The following SLC25A33 variants were observed in gnomAD, a reference collection of about 807,000 sequenced individuals.
The protein encoded by SLC25A33 is solute carrier family 25 member 33.
In SLC25A33, 15 loss-of-function variants were observed where a neutral mutation model predicts 35.5. The ratio of observed to expected loss-of-function variants is 0.42; its 90% CI spans 0.28 to 0.65. The LOEUF is 0.65. Among genes scored for constraint, SLC25A33 ranks in the 30% least tolerant of loss-of-function variants. SLC25A33 has a pLI of 0.20. For synonymous variants in SLC25A33, 136 were observed against 148.7 expected (o/e 0.91, Z 0.62); for missense variants, 257 against 398.5 (o/e 0.64, Z 3.02).
chr1:9,549,921 C>CATATAT (rs56191912), intron 1 of SLC25A33, among the ~76,000 whole-genome samples: 1 of 135,938 alleles, frequency 7.4e-6, no homozygotes, highest in Non-Finnish European at 1.6e-5. Flanking sequence ...CCACGCCCAA[C>CATATAT]ATATATATAT....
intron 1 of SLC25A33, among the ~76,000 whole-genome samples, chr1:9,546,316 C>G (rs1204798425): frequency 6.6e-6 from 1 of 151,008 alleles, no homozygotes; most frequent in East Asian, 2.0e-4. Context: ...TCCTGAGTAG[C>G]TGGGACTATA....
intron 2 of SLC25A33, among the ~76,000 whole-genome samples, chr1:9,556,721 CTGTG>C (rs1213353002): frequency 6.7e-6 from 1 of 150,332 alleles, no homozygotes; most frequent in Non-Finnish European, 1.5e-5. Context: ...GTCTGTGTGT[CTGTG>C]TGTATCTGTT....
chr1:9,555,238 C>T (rs931597320), intron 2 of SLC25A33, among the ~76,000 whole-genome samples: 1 of 151,130 alleles, frequency 6.6e-6, no homozygotes, highest in African/African-American at 2.4e-5. Flanking sequence ...CTGCCTCAGC[C>T]TCCTGAGTAG....
At chr1:9,581,058 G>C (rs1244800385) in intron 6 of SLC25A33, among the ~76,000 whole-genome samples, 1 of 152,124 alleles carries the variant, frequency 6.6e-6, no homozygotes, top group Non-Finnish European at 1.5e-5. Flanking sequence ...TGTACTGTCA[G>C]CTATGGCAAA....
At chr1:9,577,675 G>A (rs2100412326) in intron 5 of SLC25A33, among the ~76,000 whole-genome samples, 1 of 152,184 alleles carries the variant, frequency 6.6e-6, no homozygotes, top group African/African-American at 2.4e-5. Flanking sequence ...TGAGGGCAGT[G>A]GAAAGTCATC....
chr1:9,567,439 G>T, intron 3 of SLC25A33, 78 bp downstream of exon 3: 1 of 1,296,306 alleles, frequency 7.7e-7, no homozygotes, highest in East Asian at 2.3e-5. Context: ...GGGTGATGCT[G>T]CTGAATGACC....
chr1:9,570,500 C>T, intron 4 of SLC25A33, 142 bp downstream of exon 4: 1 of 674,486 alleles, frequency 1.5e-6, no homozygotes, highest in Non-Finnish European at 2.5e-6. Flanking sequence ...TATGTTACAA[C>T]CAATAGGAGA....
chr1:9,570,559 CTTT>C (rs967392936), intron 4 of SLC25A33, among the ~76,000 whole-genome samples: 26 of 152,058 alleles, frequency 1.7e-4, no homozygotes, highest in Admixed American at 1.4e-3. Flanking sequence ...CACTAAAGCT[CTTT>C]ATTTGCCCTC....
intron 1 of SLC25A33, among the ~76,000 whole-genome samples, chr1:9,551,737 G>A (rs1010366078): frequency 3.3e-5 from 5 of 151,880 alleles, no homozygotes; most frequent in Admixed American, 6.6e-5. Flanking sequence ...AGACATTTTC[G>A]TTGAAATCTC....
chr1:9,568,080 G>C (rs749381257), intron 3 of SLC25A33, among the ~76,000 whole-genome samples: 5 of 152,202 alleles, frequency 3.3e-5, no homozygotes, highest in Non-Finnish European at 5.9e-5. Context: ...GGATAGAGAG[G>C]ATAACAGTGT....
At chr1:9,547,549 G>T (rs1643193423) in intron 1 of SLC25A33, among the ~76,000 whole-genome samples, 1 of 152,132 alleles carries the variant, frequency 6.6e-6, no homozygotes, top group Admixed American at 6.6e-5. Flanking sequence ...CCATTTTACG[G>T]TCTTCAAATA....
At chr1:9,550,338 G>A (rs976170234) in intron 1 of SLC25A33, among the ~76,000 whole-genome samples, 5 of 151,868 alleles carry the variant, frequency 3.3e-5, no homozygotes, top group African/African-American at 1.2e-4. Flanking sequence ...CCTTTGATCA[G>A]TGGCATAGAC....
At position 9,556,689 on chromosome 1, in the gene SLC25A33, GTGTGTGTGTGTC is replaced by G. The variant is rs1017651547; in HGVS notation, c.236+2904_236+2915del. ...TGTGTGTGTGTCTGTGTCTGTGTGT[GTGTGTGTGTGTC>G]TGTGTGTGTGTCTGTGTGTCTGTGT... On this transcript the variant is annotated intron_variant, in intron 2 of 6. Coordinates refer to ENST00000302692, the MANE Select transcript of SLC25A33 (RefSeq NM_032315.3). Among the ~76,000 whole-genome samples, 23 of 151,946 alleles carry G rather than the reference GTGTGTGTGTGTC, an allele frequency of 1.5e-4. No individual in the cohort carries two copies. In the East Asian group the frequency reaches 1.5e-3, roughly 10 times the overall value.
intron 2 of SLC25A33, chr1:9,556,136 G>A (rs915319442): frequency 3.8e-5 from 36 of 939,198 alleles, no homozygotes; most frequent in Non-Finnish European, 4.3e-5. Context: ...CCATCAAGAT[G>A]GGACTGTGAG....
At chr1:9,573,259 T>A (rs1249385931) in intron 4 of SLC25A33, 87 bp from the exon 5 acceptor site, 15 of 950,456 alleles carry the variant, frequency 1.6e-5, no homozygotes, top group Non-Finnish European at 2.0e-5. Flanking sequence ...GAAATCCCTA[T>A]TTCAAAGTTT....
chr1:9,564,739 A>AAATATATATATATATATAT (rs60174872), intron 2 of SLC25A33, among the ~76,000 whole-genome samples: 3 of 96,542 alleles, frequency 3.1e-5, no homozygotes, highest in African/African-American at 4.4e-5. Context: ...AAAAAAAAAA[A>AAATATATATATATATATAT]ATATATATAT....
At chr1:9,576,819 A>G (rs1643667342) in intron 5 of SLC25A33, 1 of 1,228,764 alleles carries the variant, frequency 8.1e-7, no homozygotes, top group Non-Finnish European at 1.2e-6. Flanking sequence ...CTTGTTCAGT[A>G]TCTCAAGCCT....
intron 1 of SLC25A33, among the ~76,000 whole-genome samples, chr1:9,550,663 T>A (rs1281432254): frequency 4.6e-5 from 7 of 151,996 alleles, no homozygotes; most frequent in Non-Finnish European, 1.0e-4. Context: ...TTTTTATTTT[T>A]ATTAATTAAT....
chr1:9,556,142 G>C, intron 2 of SLC25A33: 2 of 970,120 alleles, frequency 2.1e-6, no homozygotes, highest in Non-Finnish European at 2.5e-6. Flanking sequence ...AGATGGGACT[G>C]TGAGAACACT....
Sources: gnomAD v4.1 joint callset for allele counts (sites outside exome capture counted in the v4.1 genomes callset) on GRCh38, gnomAD v4.1.1 for gene constraint, MANE v1.5 for transcripts, NCBI Gene and HGNC (gene_info 2026-07-23, HGNC 2026-07-21) for gene names.